ASIC2: variants seen among roughly 807,000 people sequenced by gnomAD.
The protein encoded by ASIC2 is acid sensing ion channel subunit 2.
ASIC2 carries 25 observed loss-of-function variants against 57.3 expected under a neutral mutation model. The observed-to-expected ratio is 0.44, with a 90% confidence interval of 0.32 to 0.61. The LOEUF (loss-of-function observed/expected upper bound fraction) is 0.61. Among genes scored for constraint, ASIC2 ranks in the 20% least tolerant of loss-of-function variants. The pLI, the probability that ASIC2 is intolerant of heterozygous loss-of-function variation, is 0.06. For synonymous variants in ASIC2, 319 were observed against 307.5 expected (o/e 1.04, Z -0.39); for missense variants, 641 against 738.1 (o/e 0.87, Z 1.52).
At chr17:33,912,320 C>T (rs759539824) in intron 1 of ASIC2, among the ~76,000 whole-genome samples, 3 of 151,044 alleles carry the variant, frequency 2.0e-5, no homozygotes, top group Non-Finnish European at 4.4e-5. Flanking sequence ...TCCAAAAACC[C>T]GTCTCTGTTA....
intron 1 of ASIC2, among the ~76,000 whole-genome samples, chr17:33,795,231 C>G (rs1257888088): frequency 6.6e-6 from 1 of 152,222 alleles, no homozygotes; most frequent in African/African-American, 2.4e-5. Context: ...AGGAAGTGTT[C>G]TCACCAACAC....
intron 1 of ASIC2, among the ~76,000 whole-genome samples, chr17:33,348,490 T>C (rs1269329312): frequency 6.6e-6 from 1 of 152,172 alleles, no homozygotes; most frequent in Admixed American, 6.5e-5. Context: ...GGAATGGGCT[T>C]AGGACAAGAA....
intron 1 of ASIC2, among the ~76,000 whole-genome samples, chr17:33,973,897 CT>C (rs1287753454): frequency 6.6e-6 from 1 of 152,168 alleles, no homozygotes; most frequent in Non-Finnish European, 1.5e-5. Flanking sequence ...GCCAGTCCCA[CT>C]CCCCTTACCC....
intron 1 of ASIC2, among the ~76,000 whole-genome samples, chr17:34,013,306 C>T (rs993111565): frequency 6.6e-6 from 1 of 152,128 alleles, no homozygotes; most frequent in Non-Finnish European, 1.5e-5. Flanking sequence ...CCTGAGAGAT[C>T]CAACTGGAAC....
At chr17:33,310,765 T>C (rs1906379859) in intron 1 of ASIC2, among the ~76,000 whole-genome samples, 1 of 152,228 alleles carries the variant, frequency 6.6e-6, no homozygotes. Flanking sequence ...ATGTTTGCAG[T>C]ACACAAGATT....
chr17:33,216,846 T>C (rs573333165), intron 1 of ASIC2, among the ~76,000 whole-genome samples: 10 of 152,204 alleles, frequency 6.6e-5, no homozygotes, highest in African/African-American at 2.2e-4. Context: ...GGTGGTTCAA[T>C]TGATAGTGTG....
intron 1 of ASIC2, among the ~76,000 whole-genome samples, chr17:33,903,983 G>C (rs890730981): frequency 5.3e-5 from 8 of 151,854 alleles, no homozygotes; most frequent in Non-Finnish European, 8.8e-5. Flanking sequence ...GACCAACATG[G>C]AGAAACCCCG....
At chr17:33,151,537 CTT>C (rs1365700289) in intron 1 of ASIC2, among the ~76,000 whole-genome samples, 2 of 152,176 alleles carry the variant, frequency 1.3e-5, no homozygotes, top group Non-Finnish European at 2.9e-5. Flanking sequence ...TCGTTGGAAA[CTT>C]AATCCCCAAT....
chr17:33,742,314 A>G (rs1200984155), intron 1 of ASIC2, among the ~76,000 whole-genome samples: 2 of 152,036 alleles, frequency 1.3e-5, no homozygotes, highest in Non-Finnish European at 2.9e-5. Flanking sequence ...AGCTATTCCC[A>G]CTACCTACAA....
At position 34,156,059 on chromosome 17, in the gene ASIC2, G is replaced by T; in HGVS notation, c.474C>A (p.His158Gln). The change falls in exon 1 of 10, where the codon CAC becomes CAA. Residue 158 changes from histidine (H) to glutamine (Q), a missense_variant. Physicochemically the swap from His to Gln is conservative, Grantham distance 24 (BLOSUM62 0). Transcript: ENST00000359872. The surrounding 1 kb of genome is among the most constrained non-coding windows in gnomAD (Gnocchi z 4.4). ...TATCCTTCAGGTCATGGCCCACACGGTGCAGGAACTCCAGCATGCTGAACT... is the reference window on the plus strand; with the variant it reads ...TATCCTTCAGGTCATGGCCCACACGTTGCAGGAACTCCAGCATGCTGAACT... 6.2e-7 allele frequency: 1 copy of T among 1,613,972 alleles called. No individual in the cohort carries two copies. Among genetic ancestry groups the T allele is most frequent in the Non-Finnish European group, 8.5e-7 (1 of 1,180,032 alleles).
intron 3 of ASIC2, among the ~76,000 whole-genome samples, chr17:33,073,587 T>C (rs1272071021): frequency 6.6e-6 from 1 of 152,158 alleles, no homozygotes; most frequent in Non-Finnish European, 1.5e-5. Flanking sequence ...ACCATCACAA[T>C]GGGGATCCCG....
chr17:33,840,168 G>A (rs1202254290), intron 1 of ASIC2, among the ~76,000 whole-genome samples: 1 of 152,144 alleles, frequency 6.6e-6, no homozygotes, highest in Non-Finnish European at 1.5e-5. Flanking sequence ...TTGGACACTA[G>A]AAATATTAAA....
At chr17:33,335,526 G>T (rs527383888) in intron 1 of ASIC2, among the ~76,000 whole-genome samples, 6 of 151,908 alleles carry the variant, frequency 3.9e-5, no homozygotes, top group African/African-American at 1.5e-4. Flanking sequence ...GGGCTTCAAA[G>T]TATAGGCATA....
chr17:33,508,823 C>T (rs1409649747), intron 1 of ASIC2, among the ~76,000 whole-genome samples: 6 of 152,192 alleles, frequency 3.9e-5, no homozygotes, highest in African/African-American at 1.4e-4. Context: ...GCTCCCATCA[C>T]TCACCAGCAC....
intron 1 of ASIC2, among the ~76,000 whole-genome samples, chr17:34,150,567 C>A: frequency 6.6e-6 from 1 of 152,124 alleles, no homozygotes; most frequent in East Asian, 1.9e-4. Flanking sequence ...GGCTAAAAAA[C>A]TAGGGTGTTA....
chr17:33,458,550 C>T (rs1248516085), intron 1 of ASIC2, among the ~76,000 whole-genome samples: 1 of 152,134 alleles, frequency 6.6e-6, no homozygotes, highest in Admixed American at 6.5e-5. Flanking sequence ...TGATTTTGGC[C>T]ATAGTTAACA....
At chr17:33,796,323 T>A (rs1314453257) in intron 1 of ASIC2, among the ~76,000 whole-genome samples, 1 of 152,194 alleles carries the variant, frequency 6.6e-6, no homozygotes, top group African/African-American at 2.4e-5. Context: ...ATCTAGTATC[T>A]GCCAGTTTGT....
intron 1 of ASIC2, among the ~76,000 whole-genome samples, chr17:33,587,786 G>T (rs185994548): frequency 1.3e-5 from 2 of 152,198 alleles, no homozygotes; most frequent in Admixed American, 6.5e-5. Flanking sequence ...CCCCTTGATA[G>T]AATTAGAAAT....
At chr17:33,113,264 T>C (rs896733877) in intron 1 of ASIC2, among the ~76,000 whole-genome samples, 1 of 151,996 alleles carries the variant, frequency 6.6e-6, no homozygotes, top group Non-Finnish European at 1.5e-5. Context: ...AAAATGGGGG[T>C]TCTGGTCTTT....
Sources: gnomAD v4.1 joint callset for allele counts (sites outside exome capture counted in the v4.1 genomes callset) on GRCh38, gnomAD v4.1.1 for gene constraint, Gnocchi (gnomAD v3.1) non-coding constraint, MANE v1.5 for transcripts, NCBI Gene and HGNC (gene_info 2026-07-23, HGNC 2026-07-21) for gene names.